Variants in SVEP1 observed in about 807,000 individuals in gnomAD.
SVEP1 encodes the protein sushi, von Willebrand factor type A, EGF and pentraxin domain containing 1, also known as sushi, von Willebrand factor type A, EGF and pentraxin domain-containing protein 1.
Under a neutral mutation model 367.3 loss-of-function variants are expected in SVEP1, and 164 were observed. The ratio of observed to expected loss-of-function variants is 0.45; its 90% confidence interval spans 0.39 to 0.51. SVEP1 has a LOEUF of 0.51. Ranked by LOEUF, SVEP1 falls within the 20% of genes least tolerant of loss-of-function variation. The pLI is 0.00. For missense variants in SVEP1, 4,117 were observed against 4,425.3 expected, an observed-to-expected ratio of 0.93 and a Z score of 1.98; for synonymous variants, 1,666 against 1,611.6, an observed-to-expected ratio of 1.03 and a Z score of -0.81.
In SVEP1 at chr9:110,472,237, C is replaced by T. The variant is rs781746377; in HGVS notation, c.2686G>A (p.Gly896Ser). Residue 896 changes from glycine to serine, a missense_variant, in exon 15 of 48, where the codon GGC (glycine) becomes AGC (serine). By Grantham distance (56) the Gly-to-Ser change is moderately conservative. Transcript: ENST00000374469. ...TTAATCCGTGAGGACTTGGCATTGC[C>T]GATGCTTGTGGCTGTTTCTTGCACA... ...DTVQETATSIGNAKSSRIKRS... is the reference protein window; with the variant it reads ...DTVQETATSISNAKSSRIKRS... 19 of 1,613,354 alleles carry T rather than the reference C, an allele frequency of 1.2e-5. No individual in the cohort carries two copies. The highest frequency in any genetic ancestry group is 3.3e-5 in the South Asian group (3 of 90,980).
intron 3 of SVEP1, among the ~76,000 whole-genome samples, chr9:110,527,612 T>G (rs1006192915): frequency 6.6e-6 from 1 of 152,084 alleles, no homozygotes; most frequent in African/African-American, 2.4e-5. Context: ...TTTTAATTTG[T>G]ATTTGTCCAT....
At chr9:110,383,100 C>G (rs1010094689) in intron 43 of SVEP1, among the ~76,000 whole-genome samples, 2 of 152,180 alleles carry the variant, frequency 1.3e-5, no homozygotes, top group African/African-American at 2.4e-5. Context: ...TGTGCTTTTC[C>G]TGGAGAAGTG....
chr9:110,545,829 G>A (rs1393546970), intron 3 of SVEP1, among the ~76,000 whole-genome samples: 1 of 152,092 alleles, frequency 6.6e-6, no homozygotes, highest in African/African-American at 2.4e-5. Context: ...AGTATGAGAG[G>A]CCACATAAAG....
chr9:110,555,161 G>GT (rs1794752106), intron 1 of SVEP1, among the ~76,000 whole-genome samples: 1 of 151,248 alleles, frequency 6.6e-6, no homozygotes, highest in Non-Finnish European at 1.5e-5. Context: ...GGTCACAGCA[G>GT]TTAACTGTAA....
At chr9:110,570,953 A>G (rs910688359) in intron 1 of SVEP1, among the ~76,000 whole-genome samples, 1 of 140,564 alleles carries the variant, frequency 7.1e-6, no homozygotes, top group African/African-American at 2.6e-5. Context: ...TTAGACATAT[A>G]CTCTTCCAGA....
In SVEP1 at chr9:110,366,270, T is replaced by A. The variant is rs2118928563; in HGVS notation, c.*269A>T. ...AACTTTCCCAATAGACAGCAGAATA[T>A]GTACATTTTGTGAGGGTAGAGCAGC... On this transcript the variant is annotated 3_prime_UTR_variant, in exon 48 of 48. Coordinates refer to ENST00000374469, the MANE Select transcript of SVEP1 (RefSeq NM_153366.4). 3 of 353,530 alleles carry A rather than the reference T, an allele frequency of 8.5e-6. No individual in the cohort carries two copies. The East Asian group carries it at 1.3e-4, about 15-fold the overall frequency. 21.9% of individuals were successfully genotyped at this position (353,530 alleles called of 1,614,324 possible). A position where few individuals can be genotyped will look rare whatever the true frequency, so the allele number is the denominator to read the frequency against.
chr9:110,443,331 C>T (rs1018122516), intron 27 of SVEP1: 4 of 440,646 alleles, frequency 9.1e-6, no homozygotes, highest in African/African-American at 6.1e-5. Flanking sequence ...TGTAGATCTT[C>T]AAAGGCATTT....
chr9:110,573,051 GA>G (rs1830584794), intron 1 of SVEP1, among the ~76,000 whole-genome samples: 1 of 151,976 alleles, frequency 6.6e-6, no homozygotes, highest in Non-Finnish European at 1.5e-5. Context: ...CGTAAATTTG[GA>G]AATATATCTT....
intron 9 of SVEP1, among the ~76,000 whole-genome samples, chr9:110,485,994 C>T (rs1336613378): frequency 6.6e-6 from 1 of 152,134 alleles, no homozygotes; most frequent in Non-Finnish European, 1.5e-5. Flanking sequence ...ACCAGTGATG[C>T]AGTTTATTAT....
intron 38 of SVEP1, 112 bp downstream of exon 38, chr9:110,406,048 A>G: frequency 7.5e-7 from 1 of 1,339,566 alleles, no homozygotes; most frequent in Non-Finnish European, 9.9e-7. Context: ...CAGTGTTTGG[A>G]GAGCAGTTCA....
chr9:110,510,630 G>T (rs920981987), intron 5 of SVEP1, among the ~76,000 whole-genome samples: 2 of 152,170 alleles, frequency 1.3e-5, no homozygotes, highest in African/African-American at 4.8e-5. Context: ...AGGATCAGAC[G>T]CGAGGCTTGA....
At chr9:110,546,661 G>A (rs746176528) in intron 2 of SVEP1, among the ~76,000 whole-genome samples, 2 of 152,188 alleles carry the variant, frequency 1.3e-5, no homozygotes, top group African/African-American at 2.4e-5. Flanking sequence ...TCTGGGTGAG[G>A]TCAGGCCCCA....
At chr9:110,525,100 AACAGT>A in intron 3 of SVEP1, among the ~76,000 whole-genome samples, 1 of 152,274 alleles carries the variant, frequency 6.6e-6, no homozygotes, top group African/African-American at 2.4e-5. Flanking sequence ...TTCTAACCAG[AACAGT>A]AAGGGAAGAA....
chr9:110,472,638 A>G (rs1444432838), intron 14 of SVEP1, among the ~76,000 whole-genome samples: 2 of 152,184 alleles, frequency 1.3e-5, no homozygotes, highest in Non-Finnish European at 2.9e-5. Context: ...TTAGAGGTAA[A>G]TAAGAGCTGG....
At chr9:110,370,626 T>G (rs1291144766) in intron 46 of SVEP1, among the ~76,000 whole-genome samples, 1 of 152,208 alleles carries the variant, frequency 6.6e-6, no homozygotes, top group Non-Finnish European at 1.5e-5. Flanking sequence ...TAGTCACAGA[T>G]AAAACCCTGA....
At chr9:110,453,884 TAAA>T (rs34249642) in intron 22 of SVEP1, among the ~76,000 whole-genome samples, 24 of 145,470 alleles carry the variant, frequency 1.6e-4, no homozygotes, top group East Asian at 4.0e-4. Flanking sequence ...ATACAAAAAT[TAAA>T]AAAAAAAAAA....
intron 35 of SVEP1, among the ~76,000 whole-genome samples, chr9:110,428,714 G>C (rs1828299789): frequency 6.6e-6 from 1 of 152,114 alleles, no homozygotes; most frequent in African/African-American, 2.4e-5. Context: ...ATACAGATTT[G>C]AGAACATCCT....
intron 9 of SVEP1, 68 bp from the exon 10 acceptor site, chr9:110,483,761 A>G (rs1829235186): frequency 1.6e-6 from 2 of 1,215,544 alleles, no homozygotes; most frequent in Non-Finnish European, 2.2e-6. Context: ...GGTTTTCAAA[A>G]GAGAACTGAA....
intron 18 of SVEP1, among the ~76,000 whole-genome samples, chr9:110,459,904 T>C (rs573941182): frequency 1.1e-3 from 168 of 152,244 alleles, no homozygotes; most frequent in African/African-American, 3.8e-3. Context: ...TAGTCTTTTA[T>C]GGAGGTTTTT....
Sources: gnomAD v4.1 joint callset for allele counts (sites outside exome capture counted in the v4.1 genomes callset) on GRCh38, gnomAD v4.1.1 for gene constraint, MANE v1.5 for transcripts, NCBI Gene and HGNC (gene_info 2026-07-23, HGNC 2026-07-21) for gene names.